PIP5K1B: variants seen among roughly 807,000 people sequenced by gnomAD.
PIP5K1B encodes phosphatidylinositol-4-phosphate 5-kinase type 1 beta, also known as phosphatidylinositol 4-phosphate 5-kinase type-1 beta.
Under a neutral mutation model 67.0 loss-of-function variants are expected in PIP5K1B, and 42 were observed. The ratio of observed to expected loss-of-function variants is 0.63; its 90% CI spans 0.49 to 0.81. The LOEUF is 0.81. Ranked by LOEUF, PIP5K1B falls within the 30% of genes least tolerant of loss-of-function variation. PIP5K1B has a pLI of 0.00. For missense variants in PIP5K1B, 459 were observed against 646.3 expected, an observed-to-expected ratio of 0.71 and a Z score of 3.14; for synonymous variants, 214 against 231.4, an observed-to-expected ratio of 0.92 and a Z score of 0.68.
At chr9:68,877,257 C>T (rs868661591) in intron 6 of PIP5K1B, among the ~76,000 whole-genome samples, 1 of 152,174 alleles carries the variant, frequency 6.6e-6, no homozygotes, top group Non-Finnish European at 1.5e-5. Flanking sequence ...TCTCTTCAGG[C>T]AGACTTTTTA....
chr9:68,998,973 C>T (rs974865340), intron 15 of PIP5K1B, among the ~76,000 whole-genome samples: 2 of 152,208 alleles, frequency 1.3e-5, no homozygotes, highest in Admixed American at 6.5e-5. Context: ...GATTGTCTCA[C>T]AGTTCTAGAG....
intron 8 of PIP5K1B, among the ~76,000 whole-genome samples, chr9:68,910,828 G>C (rs928651130): frequency 6.6e-6 from 1 of 152,216 alleles, no homozygotes; most frequent in South Asian, 2.1e-4. Flanking sequence ...GAAACGACAT[G>C]AGCAGAAGCA....
At chr9:68,903,002 G>C (rs1007161831) in intron 8 of PIP5K1B, among the ~76,000 whole-genome samples, 1 of 152,176 alleles carries the variant, frequency 6.6e-6, no homozygotes, top group Non-Finnish European at 1.5e-5. Context: ...CCTAAGAAAA[G>C]GCCTGCGATA....
intron 1 of PIP5K1B, among the ~76,000 whole-genome samples, chr9:68,723,824 T>C (rs1828020820): frequency 6.6e-6 from 1 of 151,644 alleles, no homozygotes; most frequent in Non-Finnish European, 1.5e-5. Flanking sequence ...GGTTGTCTCT[T>C]CACTTTGTTG....
At chr9:68,837,669 A>T (rs1821694142) in intron 4 of PIP5K1B, among the ~76,000 whole-genome samples, 1 of 136,954 alleles carries the variant, frequency 7.3e-6, no homozygotes, top group Non-Finnish European at 1.6e-5. Context: ...AGTTCCCTTA[A>T]GGCTTTTATC....
At chr9:68,748,007 A>G (rs1277706306) in intron 2 of PIP5K1B, among the ~76,000 whole-genome samples, 1 of 152,146 alleles carries the variant, frequency 6.6e-6, no homozygotes, top group Admixed American at 6.5e-5. Flanking sequence ...CACCATTCCA[A>G]AATAAAACCC....
chr9:68,886,038 G>A (rs182862358), intron 6 of PIP5K1B, among the ~76,000 whole-genome samples: 1 of 152,210 alleles, frequency 6.6e-6, no homozygotes, highest in Admixed American at 6.5e-5. Context: ...AAAATTAGCT[G>A]GGCATGTAGT....
At chr9:68,948,470 C>G (rs1827905756) in intron 14 of PIP5K1B, among the ~76,000 whole-genome samples, 1 of 151,990 alleles carries the variant, frequency 6.6e-6, no homozygotes, top group African/African-American at 2.4e-5. Flanking sequence ...ATTTCTACAA[C>G]AACAACAGCA....
chr9:68,879,084 A>G (rs1247059150), intron 6 of PIP5K1B, among the ~76,000 whole-genome samples: 1 of 152,254 alleles, frequency 6.6e-6, no homozygotes, highest in African/African-American at 2.4e-5. Context: ...AACTAAGGAA[A>G]TATAAAGATT....
At chr9:68,793,988 G>A (rs978710373) in intron 2 of PIP5K1B, among the ~76,000 whole-genome samples, 13 of 152,226 alleles carry the variant, frequency 8.5e-5, no homozygotes, top group African/African-American at 2.2e-4. Flanking sequence ...AGAGCACGGC[G>A]CTTTAGAAAC....
chr9:68,961,528 G>T (rs936701885), intron 14 of PIP5K1B, among the ~76,000 whole-genome samples: 1 of 152,204 alleles, frequency 6.6e-6, no homozygotes, highest in Admixed American at 6.5e-5. Flanking sequence ...CGTGGCTGGG[G>T]CTTGTCATCT....
At chr9:68,867,293 A>G (rs548830336) in intron 5 of PIP5K1B, among the ~76,000 whole-genome samples, 27 of 152,276 alleles carry the variant, frequency 1.8e-4, no homozygotes, top group African/African-American at 5.8e-4. Context: ...CGGCCTCAAC[A>G]TTTGATTCAG....
At chr9:68,951,355 C>T (rs1828058066) in intron 14 of PIP5K1B, among the ~76,000 whole-genome samples, 1 of 152,204 alleles carries the variant, frequency 6.6e-6, no homozygotes, top group African/African-American at 2.4e-5. Flanking sequence ...TCTTTCATTG[C>T]TTCTCATCAC....
At chr9:68,951,881 T>C (rs903481829) in intron 14 of PIP5K1B, among the ~76,000 whole-genome samples, 4 of 152,204 alleles carry the variant, frequency 2.6e-5, no homozygotes, top group African/African-American at 9.6e-5. Context: ...GCAATTACTT[T>C]GGTTTTTCTA....
At chr9:69,000,883 T>C (rs189324938) in intron 15 of PIP5K1B, among the ~76,000 whole-genome samples, 2 of 144,004 alleles carry the variant, frequency 1.4e-5, no homozygotes, top group Non-Finnish European at 3.0e-5. Context: ...AAAGGCTTGA[T>C]GGGAGCACAA....
chr9:68,897,227 G>A (rs754912468), intron 8 of PIP5K1B, among the ~76,000 whole-genome samples: 10 of 152,206 alleles, frequency 6.6e-5, no homozygotes, highest in Non-Finnish European at 1.5e-4. Context: ...AAACCAGTTA[G>A]AGAAATGTAT....
intron 4 of PIP5K1B, among the ~76,000 whole-genome samples, chr9:68,825,252 A>G (rs1255178560): frequency 6.6e-6 from 1 of 152,216 alleles, no homozygotes; most frequent in Non-Finnish European, 1.5e-5. Context: ...AAGATTCGCT[A>G]GTCTCCTTTC....
intron 2 of PIP5K1B, among the ~76,000 whole-genome samples, chr9:68,800,163 T>G (rs1158425026): frequency 5.3e-5 from 8 of 152,182 alleles, no homozygotes; most frequent in Non-Finnish European, 1.5e-5. Context: ...ATAGTGATGG[T>G]GAAGGGGCTG....
At chr9:68,956,255 G>A (rs753141204) in intron 14 of PIP5K1B, among the ~76,000 whole-genome samples, 4 of 152,182 alleles carry the variant, frequency 2.6e-5, no homozygotes, top group Non-Finnish European at 4.4e-5. Context: ...AGGATCACTT[G>A]AGCCCAGGAG....
Sources: allele counts gnomAD v4.1 joint callset (sites outside exome capture counted in the v4.1 genomes callset), GRCh38; gene constraint gnomAD v4.1.1; transcripts MANE v1.5; gene names NCBI Gene and HGNC (gene_info 2026-07-23, HGNC 2026-07-21).